The following AHCYL2 variants were observed in gnomAD, a reference collection of about 807,000 sequenced individuals.
AHCYL2 encodes the protein adenosylhomocysteinase like 2.
Under a neutral mutation model 81.4 loss-of-function variants are expected in AHCYL2, and 28 were observed. The observed-to-expected ratio is 0.34, with a 90% CI of 0.25 to 0.47. AHCYL2 has a LOEUF of 0.47. AHCYL2 is among the 20% of genes least tolerant of loss of function. The pLI, the probability that AHCYL2 is intolerant of heterozygous loss-of-function variation, is 1.00. For missense variants in AHCYL2, 551 were observed against 785.1 expected, an observed-to-expected ratio of 0.70 and a Z score of 3.56; for synonymous variants, 272 against 290.2, an observed-to-expected ratio of 0.94 and a Z score of 0.64.
At chr7:129,398,618 ATCTGCCTGCCTCGGCC>A (rs1443215551) in intron 5 of AHCYL2, among the ~76,000 whole-genome samples, 3 of 151,034 alleles carry the variant, frequency 2.0e-5, no homozygotes, top group Admixed American at 2.0e-4. Context: ...ACCTCAGATG[ATCTGCCTGCCTCGGCC>A]TCCCAAAGTG....
chr7:129,371,209 A>G (rs573179358), intron 1 of AHCYL2, among the ~76,000 whole-genome samples: 1 of 152,328 alleles, frequency 6.6e-6, no homozygotes, highest in East Asian at 1.9e-4. Context: ...TGAAATTTCC[A>G]CTGAAACTAT....
chr7:129,301,155 T>A (rs970549931), intron 1 of AHCYL2, among the ~76,000 whole-genome samples: 6 of 152,180 alleles, frequency 3.9e-5, no homozygotes, highest in African/African-American at 1.4e-4. Context: ...GCCATTTGTA[T>A]GTCTTTTGAG....
rs539324286 is a variant in AHCYL2, at chr7:129,230,654, C to A, written c.363+5215C>A. 1.5e-4 allele frequency among the ~76,000 whole-genome samples: 22 copies of A among 150,268 alleles called. No individual in the cohort carries two copies. In the Admixed American group the frequency reaches 1.5e-3, roughly 10 times the overall value. ...GTGGTGCGGTCTTGGCTCACTGCAA[C>A]TTCTGCCTCCCGGGTTCAAGTGATT... On this transcript the variant is annotated intron_variant, in intron 1 of 16. Coordinates refer to ENST00000325006, the MANE Select transcript of AHCYL2 (RefSeq NM_015328.4).
chr7:129,309,502 T>A lies in AHCYL2; in HGVS notation c.364-70136T>A, dbSNP rs138152767. Among the ~76,000 whole-genome samples, 402 of 152,298 alleles carry A rather than the reference T, an allele frequency of 2.6e-3. 1 individual carries two copies. The highest frequency in any genetic ancestry group is 9.4e-3 in the African/African-American group (392 of 41,552). Reference sequence around the variant, plus strand: ...CTGCAGTGAGATGTGATCACACCACTGCACTCCAGCCTGGGCAACAGAGCA... The same window carrying A: ...CTGCAGTGAGATGTGATCACACCACAGCACTCCAGCCTGGGCAACAGAGCA... On this transcript the variant is annotated intron_variant, in intron 1 of 16. Transcript: ENST00000325006.
At chr7:129,270,922 A>G (rs554554326) in intron 1 of AHCYL2, among the ~76,000 whole-genome samples, 30 of 152,318 alleles carry the variant, frequency 2.0e-4, no homozygotes, top group Non-Finnish European at 4.1e-4. Context: ...GCAGTCCAGG[A>G]AACCCAAAGC....
At chr7:129,385,453 G>A (rs964363023) in intron 2 of AHCYL2, among the ~76,000 whole-genome samples, 4 of 152,212 alleles carry the variant, frequency 2.6e-5, no homozygotes, top group Non-Finnish European at 2.9e-5. Flanking sequence ...ATCATAAAAT[G>A]TGTATACATG....
intron 1 of AHCYL2, among the ~76,000 whole-genome samples, chr7:129,241,615 T>A (rs772711737): frequency 9.9e-5 from 15 of 151,986 alleles, no homozygotes; most frequent in South Asian, 2.1e-4. Flanking sequence ...AAAATAAAAT[T>A]TCATTTCAAA....
intron 1 of AHCYL2, among the ~76,000 whole-genome samples, chr7:129,317,988 T>C (rs1797885512): frequency 6.6e-6 from 1 of 152,232 alleles, no homozygotes; most frequent in Admixed American, 6.5e-5. Flanking sequence ...AATGACTTCA[T>C]TGTCTATAAT....
At chr7:129,307,806 G>A (rs1797497305) in intron 1 of AHCYL2, among the ~76,000 whole-genome samples, 1 of 151,744 alleles carries the variant, frequency 6.6e-6, no homozygotes, top group Admixed American at 6.6e-5. Context: ...GAGCCCAAGG[G>A]CTGTTTAGTC....
At chr7:129,264,924 T>G (rs1021322919) in intron 1 of AHCYL2, among the ~76,000 whole-genome samples, 6 of 152,216 alleles carry the variant, frequency 3.9e-5, no homozygotes, top group African/African-American at 1.4e-4. Context: ...ATGCCTTATA[T>G]TGTATATGAG....
chr7:129,291,813 G>A (rs1380232162), intron 1 of AHCYL2, among the ~76,000 whole-genome samples: 1 of 151,780 alleles, frequency 6.6e-6, no homozygotes, highest in Non-Finnish European at 1.5e-5. Flanking sequence ...CACCGTGTTA[G>A]CCAGGATGGT....
chr7:129,282,349 G>A (rs1024409996), intron 1 of AHCYL2, among the ~76,000 whole-genome samples: 1 of 151,942 alleles, frequency 6.6e-6, no homozygotes, highest in African/African-American at 2.4e-5. Flanking sequence ...GGGAACTCTA[G>A]TTACATGTAT....
intron 1 of AHCYL2, among the ~76,000 whole-genome samples, chr7:129,282,821 C>A (rs954165457): frequency 1.3e-5 from 2 of 151,384 alleles, no homozygotes; most frequent in African/African-American, 4.9e-5. Context: ...ACAGTTGAAT[C>A]CTTTCCTTAA....
chr7:129,244,502 C>A (rs761717346), intron 1 of AHCYL2, among the ~76,000 whole-genome samples: 10 of 152,182 alleles, frequency 6.6e-5, no homozygotes, highest in Non-Finnish European at 1.3e-4. Context: ...AGTCTGAGAT[C>A]AGACTGGTGA....
intron 1 of AHCYL2, among the ~76,000 whole-genome samples, chr7:129,304,776 A>G (rs896267548): frequency 3.2e-4 from 49 of 151,750 alleles, no homozygotes; most frequent in African/African-American, 1.2e-3. Flanking sequence ...ATGTTTCTTT[A>G]AAGGTGAAGT....
rs539448034 is a variant in AHCYL2 at position 129,270,914 on chromosome 7, A to G, written c.363+45475A>G. The stretch of plus-strand genomic sequence containing the variant: ...GTTTAGAATGTTCCTCTTTTTCTGC[A>G]GTCCAGGAAACCCAAAGCCAAGAAA... On this transcript the variant is annotated intron_variant, in intron 1 of 16. Coordinates refer to ENST00000325006, the MANE Select transcript of AHCYL2 (RefSeq NM_015328.4). 3.2e-4 allele frequency among the ~76,000 whole-genome samples: 49 copies of G among 152,334 alleles called. 1 individual carries two copies. The highest frequency in any genetic ancestry group is 6.8e-3 in the Middle Eastern group (2 of 294).
chr7:129,227,753 A>C (rs964561709), intron 1 of AHCYL2, among the ~76,000 whole-genome samples: 2 of 151,848 alleles, frequency 1.3e-5, no homozygotes, highest in Non-Finnish European at 2.9e-5. Flanking sequence ...TGTATGTTCC[A>C]TGATTGTAGA....
intron 1 of AHCYL2, among the ~76,000 whole-genome samples, chr7:129,265,193 A>G (rs1051006174): frequency 2.0e-5 from 3 of 152,180 alleles, no homozygotes; most frequent in Non-Finnish European, 4.4e-5. Flanking sequence ...TGCTGCTTCC[A>G]TCATTAGGGA....
chr7:129,364,737 C>T (rs1280658669), intron 1 of AHCYL2, among the ~76,000 whole-genome samples: 1 of 152,040 alleles, frequency 6.6e-6, no homozygotes. Context: ...TTAATTTGTT[C>T]CTAAAAGTTT....
Sources: gnomAD v4.1 joint callset for allele counts (sites outside exome capture counted in the v4.1 genomes callset) on GRCh38, gnomAD v4.1.1 for gene constraint, MANE v1.5 for transcripts, NCBI Gene and HGNC (gene_info 2026-07-23, HGNC 2026-07-21) for gene names.